PLSCR2: variants seen among roughly 807,000 people sequenced by gnomAD.
PLSCR2 encodes phospholipid scramblase 2.
Under a neutral mutation model 25.3 loss-of-function variants are expected in PLSCR2, and 18 were observed. The observed-to-expected ratio is 0.71, with a 90% CI of 0.49 to 1.06. The LOEUF (loss-of-function observed/expected upper bound fraction) is 1.06, where lower values mean the gene tolerates loss of function less well. PLSCR2 is among the 50% of genes least tolerant of loss of function. PLSCR2 has a pLI of 0.00. For missense variants in PLSCR2, 243 were observed against 269.5 expected, an observed-to-expected ratio of 0.90 and a Z score of 0.69; for synonymous variants, 88 against 87.3, an observed-to-expected ratio of 1.01 and a Z score of -0.04.
intron 1 of PLSCR2, among the ~76,000 whole-genome samples, chr3:146,476,424 A>G (rs534452886): frequency 6.6e-6 from 1 of 152,316 alleles, no homozygotes; most frequent in Admixed American, 6.5e-5. Flanking sequence ...AGCCCATGCT[A>G]CCAGGGCCTT....
At chr3:146,469,339 C>G (rs1351741090) in intron 1 of PLSCR2, 156 bp downstream of exon 1, 45 of 981,218 alleles carry the variant, frequency 4.6e-5, no homozygotes, top group Non-Finnish European at 5.2e-5. Context: ...GGCCCCTTGC[C>G]GAGTTTCCGT....
downstream of PLSCR2, among the ~76,000 whole-genome samples, chr3:146,438,625 T>G (rs576488442): frequency 2.3e-4 from 35 of 152,336 alleles, no homozygotes; most frequent in Admixed American, 7.8e-4. Flanking sequence ...TCCATTTGCT[T>G]GGTAGATCTT....
At chr3:146,482,849 G>C (rs896411706) in intron 1 of PLSCR2, among the ~76,000 whole-genome samples, 2 of 152,178 alleles carry the variant, frequency 1.3e-5, no homozygotes, top group African/African-American at 2.4e-5. Flanking sequence ...TGATAGACTG[G>C]ATTAAGAAAA....
At chr3:146,470,053 G>A (rs2042057527) in intron 1 of PLSCR2, among the ~76,000 whole-genome samples, 1 of 152,082 alleles carries the variant, frequency 6.6e-6, no homozygotes, top group South Asian at 2.1e-4. Flanking sequence ...GACTACAAAA[G>A]AGGAGCGGTC....
intron 6 of PLSCR2, 73 bp downstream of exon 6, chr3:146,449,133 A>T: frequency 7.4e-6 from 8 of 1,077,690 alleles, no homozygotes; most frequent in Non-Finnish European, 9.7e-6. Context: ...CTTAAAATGT[A>T]TAATTTATTG....
At chr3:146,427,858 T>G (rs1327056018) in intron 2 of PLSCR2, among the ~76,000 whole-genome samples, 1 of 152,176 alleles carries the variant, frequency 6.6e-6, no homozygotes, top group African/African-American at 2.4e-5. Context: ...ACAAAACCAA[T>G]AGCCCAGAGC....
intron 2 of PLSCR2, among the ~76,000 whole-genome samples, chr3:146,408,333 G>A (rs1379802454): frequency 6.6e-6 from 1 of 152,142 alleles, no homozygotes; most frequent in Non-Finnish European, 1.5e-5. Context: ...AGATATTAGG[G>A]AGGGCTAAAG....
At chr3:146,441,722 A>C (rs1481686089), downstream of PLSCR2, 1 of 1,075,888 alleles carries the variant, frequency 9.3e-7, no homozygotes, top group African/African-American at 1.6e-5. Context: ...GATAATCCTA[A>C]TCAACACAGA....
chr3:146,473,492 G>A (rs2042187742), intron 1 of PLSCR2, among the ~76,000 whole-genome samples: 1 of 151,910 alleles, frequency 6.6e-6, no homozygotes, highest in Non-Finnish European at 1.5e-5. Context: ...TTTTAGTAGA[G>A]ATGGGGTTTC....
At chr3:146,495,759 C>G in intron 1 of PLSCR2, 1 of 632,228 alleles carries the variant, frequency 1.6e-6, no homozygotes, top group South Asian at 2.1e-5. Flanking sequence ...GTTTAAGATA[C>G]CTAGTATGAG....
chr3:146,458,941 T>G (rs1396266458), intron 2 of PLSCR2, among the ~76,000 whole-genome samples: 3 of 152,136 alleles, frequency 2.0e-5, no homozygotes, highest in Non-Finnish European at 4.4e-5. Context: ...TAATATTCAC[T>G]GTGCAAGTGC....
At chr3:146,434,044 C>A (rs910169919) in intron 8 of PLSCR2, among the ~76,000 whole-genome samples, 9 of 152,138 alleles carry the variant, frequency 5.9e-5, no homozygotes, top group African/African-American at 2.2e-4. Flanking sequence ...TTACAAATGC[C>A]TTTAAGTTTC....
intron 1 of PLSCR2, among the ~76,000 whole-genome samples, chr3:146,467,824 T>C (rs1244949481): frequency 6.6e-6 from 1 of 152,062 alleles, no homozygotes; most frequent in Admixed American, 6.5e-5. Context: ...AGGGGCGTGG[T>C]AGGGCATTAT....
At chr3:146,406,056 A>C (rs1422310496) in intron 2 of PLSCR2, among the ~76,000 whole-genome samples, 2 of 152,080 alleles carry the variant, frequency 1.3e-5, no homozygotes, top group Non-Finnish European at 2.9e-5. Flanking sequence ...CTTAATCTCT[A>C]TGATATGCTA....
chr3:146,435,870 T>A (rs1201408354), intron 8 of PLSCR2, among the ~76,000 whole-genome samples: 1 of 152,224 alleles, frequency 6.6e-6, no homozygotes, highest in Non-Finnish European at 1.5e-5. Context: ...TGAATGGTAT[T>A]GCCTAGGTTT....
intron 2 of PLSCR2, among the ~76,000 whole-genome samples, chr3:146,423,132 G>A (rs942440856): frequency 7.2e-5 from 11 of 151,806 alleles, no homozygotes; most frequent in Non-Finnish European, 1.6e-4. Flanking sequence ...AGCCCAGATT[G>A]GCTAGACTCC....
intron 1 of PLSCR2, among the ~76,000 whole-genome samples, chr3:146,477,319 TC>T (rs1163905401): frequency 6.6e-6 from 1 of 152,144 alleles, no homozygotes; most frequent in Non-Finnish European, 1.5e-5. Context: ...TGGGGGGATT[TC>T]CCTTTCCTAG....
At chr3:146,405,217 A>G (rs558148399) in intron 2 of PLSCR2, among the ~76,000 whole-genome samples, 1 of 152,334 alleles carries the variant, frequency 6.6e-6, no homozygotes, top group East Asian at 1.9e-4. Flanking sequence ...AGTTAAAAGG[A>G]TAAATGGTTA....
At chr3:146,446,123 A>ATCTC (rs2040542860) in intron 6 of PLSCR2, among the ~76,000 whole-genome samples, 1 of 151,946 alleles carries the variant, frequency 6.6e-6, no homozygotes, top group South Asian at 2.1e-4. Flanking sequence ...AAGTTCACAT[A>ATCTC]TCTCTGCCTC....
Sources: gnomAD v4.1 joint callset for allele counts (sites outside exome capture counted in the v4.1 genomes callset) on GRCh38, gnomAD v4.1.1 for gene constraint, MANE v1.5 for transcripts, NCBI Gene and HGNC (gene_info 2026-07-23, HGNC 2026-07-21) for gene names.